LETM1: variants seen among roughly 807,000 people sequenced by gnomAD.
LETM1 encodes mitochondrial proton/calcium exchanger protein.
Under a neutral mutation model 74.5 loss-of-function variants are expected in LETM1, and 50 were observed. The ratio of observed to expected loss-of-function variants is 0.67; its 90% CI spans 0.53 to 0.85. The LOEUF (loss-of-function observed/expected upper bound fraction) is 0.85. Among genes scored for constraint, LETM1 ranks in the 40% least tolerant of loss-of-function variants. LETM1 has a pLI of 0.00. For synonymous variants in LETM1, 446 were observed against 407.1 expected (o/e 1.10, Z -1.15); for missense variants, 824 against 967.8 (o/e 0.85, Z 1.97).
chr4:1,825,090 C>A (rs1467354740), intron 7 of LETM1, among the ~76,000 whole-genome samples: 1 of 152,210 alleles, frequency 6.6e-6, no homozygotes, highest in Non-Finnish European at 1.5e-5. Context: ...ACTTTCCGAC[C>A]TACAAGCCAC....
intron 1 of LETM1, among the ~76,000 whole-genome samples, chr4:1,854,319 A>C (rs958955549): frequency 6.6e-5 from 10 of 151,256 alleles, no homozygotes; most frequent in African/African-American, 2.4e-4. Context: ...ATCTCTACTA[A>C]AAATACAAAA....
chr4:1,822,977 C>T lies in LETM1; in HGVS notation c.1476+11G>A. Reference sequence around the variant, plus strand: ...CAGCCCCACGCGGCACGGAGCAGGACCACCGCTTACCGCCACCTCCGAGCG... The same window carrying T: ...CAGCCCCACGCGGCACGGAGCAGGATCACCGCTTACCGCCACCTCCGAGCG... On this transcript the variant is annotated intron_variant, in intron 9 of 13. Coordinates refer to ENST00000302787, the MANE Select transcript of LETM1 (RefSeq NM_012318.3). 4 of 1,543,914 alleles carry T rather than the reference C, an allele frequency of 2.6e-6. No homozygotes were observed. The highest frequency in any genetic ancestry group is 3.5e-6 in the Non-Finnish European group (4 of 1,141,118).
At chr4:1,839,598 T>G (rs1158232926) in intron 3 of LETM1, among the ~76,000 whole-genome samples, 2 of 152,270 alleles carry the variant, frequency 1.3e-5, no homozygotes, top group East Asian at 3.8e-4. Flanking sequence ...CTGGCTCTAC[T>G]GCCCTTGTTA....
chr4:1,828,508 A>AC (rs1163121053), intron 6 of LETM1, among the ~76,000 whole-genome samples: 222 of 8,504 alleles, frequency 0.026, 11 homozygotes, highest in East Asian at 0.052. Flanking sequence ...AGGGGGGCTG[A>AC]CCCCCCCCCC....
Position 1,849,181 on chromosome 4 carries a change from G to A in LETM1, c.111C>T (p.Ser37=), listed in dbSNP as rs925574968. The change falls in exon 2 of 14, where the codon AGC becomes AGT. Residue 37 remains serine (S), a synonymous_variant. Coordinates refer to ENST00000302787, the MANE Select transcript of LETM1 (RefSeq NM_012318.3). The stretch of plus-strand genomic sequence containing the variant: ...TCCTCAACCCCAGGGTGCTGGCACA[G>A]CTGAGATGAGCAGGATCCCCTGGAC... ...RGSPGDPAHL[S]CASTLGLRNC... is the part of the protein sequence containing the mutation. The A allele has an allele frequency of 1.9e-6, 3 of 1,613,272 alleles. No homozygotes were observed. Among genetic ancestry groups the A allele is most frequent in the South Asian group, 1.1e-5 (1 of 91,064 alleles).
In LETM1 at chr4:1,834,102, T is replaced by A. The variant is rs1451363204; in HGVS notation, c.876+743A>T. On this transcript the variant is annotated intron_variant, in intron 5 of 13. Transcript: ENST00000302787. This position sits in a 1 kb window ranked among gnomAD's most constrained non-coding sequence, Gnocchi z 5.0. ...TAGGCCTCAGCCTGGCAGTCTTTTC[T>A]GTCAAGGGCCAGACAGCAAGTATTT... 1 of 152,504 alleles carries A rather than the reference T, an allele frequency of 6.6e-6. No individual in the cohort carries two copies. Among genetic ancestry groups the A allele is most frequent in the Non-Finnish European group, 1.5e-5 (1 of 68,256 alleles). 9.4% of individuals were successfully genotyped at this position (152,504 alleles called of 1,614,324 possible).
chr4:1,818,855 G>T (rs542071952), intron 11 of LETM1, among the ~76,000 whole-genome samples: 1 of 152,186 alleles, frequency 6.6e-6, no homozygotes, highest in South Asian at 2.1e-4. Flanking sequence ...GGCGAGGCAG[G>T]TCGGTCACCT....
chr4:1,828,843 C>T (rs1271853928), intron 6 of LETM1, among the ~76,000 whole-genome samples: 19 of 107,560 alleles, frequency 1.8e-4, no homozygotes, highest in African/African-American at 6.0e-4. Context: ...CCGGACGGGG[C>T]GGCTGGCCGG....
In LETM1 at chr4:1,833,032, T is replaced by C. The variant is rs549959901; in HGVS notation, c.877-85A>G. 45 of 1,218,264 alleles carry C rather than the reference T, an allele frequency of 3.7e-5. No individual in the cohort carries two copies. The African/African-American group carries it at 6.2e-4, about 17-fold the overall frequency. 75.5% of individuals were successfully genotyped at this position (1,218,264 alleles called of 1,614,324 possible). On this transcript the variant is annotated intron_variant, in intron 5 of 13. Coordinates refer to ENST00000302787, the MANE Select transcript of LETM1 (RefSeq NM_012318.3). ...GACCAACCACATTCCCAAAGGGTGCTGCCTCTCATCCTCAGGGACTCAAAC... is the reference window on the plus strand; with the variant it reads ...GACCAACCACATTCCCAAAGGGTGCCGCCTCTCATCCTCAGGGACTCAAAC...
In LETM1 at chr4:1,832,168, G is replaced by A. The variant is rs371896387; in HGVS notation, c.1080+576C>T. ...AATACAAAAAATAGCCGGGTATGGTGGCGGGCGCCTGTAATCCCAGCTACT... is the reference window on the plus strand; with the variant it reads ...AATACAAAAAATAGCCGGGTATGGTAGCGGGCGCCTGTAATCCCAGCTACT... On this transcript the variant is annotated intron_variant, in intron 6 of 13. Transcript: ENST00000302787. 2.3e-4 allele frequency among the ~76,000 whole-genome samples: 35 copies of A among 152,328 alleles called. No individual in the cohort carries two copies. In the East Asian group the frequency reaches 5.8e-3, roughly 25 times the overall value.
At chr4:1,841,293 A>G in intron 3 of LETM1, 54 bp downstream of exon 3, 2 of 1,533,548 alleles carry the variant, frequency 1.3e-6, no homozygotes, top group Middle Eastern at 1.8e-4. Context: ...ACTGCACTCC[A>G]GCCTGGGTGA....
chr4:1,852,743 A>C (rs1182764452), intron 1 of LETM1, among the ~76,000 whole-genome samples: 3 of 152,210 alleles, frequency 2.0e-5, no homozygotes, highest in Non-Finnish European at 4.4e-5. Context: ...CCTGTCTACA[A>C]AAATGTTAAA....
At chr4:1,817,319 G>A (rs983963342) in intron 11 of LETM1, among the ~76,000 whole-genome samples, 3 of 151,778 alleles carry the variant, frequency 2.0e-5, no homozygotes, top group African/African-American at 4.8e-5. Context: ...AACTTTGGGA[G>A]GCCAAGGCAG....
At chr4:1,826,799 C>T (rs1560485349) in intron 6 of LETM1, among the ~76,000 whole-genome samples, 1 of 152,244 alleles carries the variant, frequency 6.6e-6, no homozygotes, top group Non-Finnish European at 1.5e-5. Flanking sequence ...GGCTGGCCTC[C>T]GTTTGATTTC....
chr4:1,846,667 A>T (rs1242545299), intron 2 of LETM1: 1 of 152,232 alleles, frequency 6.6e-6, no homozygotes, highest in Admixed American at 6.5e-5. Context: ...AAGATTACTT[A>T]AACCCAAAAG....
At chr4:1,822,434 G>T (rs1711815471) in intron 9 of LETM1, 122 bp from the exon 10 acceptor site, 2 of 1,136,142 alleles carry the variant, frequency 1.8e-6, no homozygotes, top group Non-Finnish European at 2.3e-6. Context: ...GTGACATTGG[G>T]CAGCACACCT....
intron 6 of LETM1, among the ~76,000 whole-genome samples, chr4:1,827,140 C>T (rs11931757): frequency 0.04 from 6,055 of 152,204 alleles, 410 homozygotes; most frequent in African/African-American, 0.14. Flanking sequence ...CCTTTCTGGT[C>T]GAGGAGCTTC....
chr4:1,843,420 C>T (rs1712774001), intron 2 of LETM1, among the ~76,000 whole-genome samples: 1 of 152,230 alleles, frequency 6.6e-6, no homozygotes, highest in Non-Finnish European at 1.5e-5. Context: ...GCGGCTGGTG[C>T]AGGGCACTGT....
intron 1 of LETM1, among the ~76,000 whole-genome samples, chr4:1,855,623 A>G (rs1266681033): frequency 6.6e-6 from 1 of 152,208 alleles, no homozygotes; most frequent in Middle Eastern, 3.2e-3. Context: ...ACTGTCTCTG[A>G]GGCAGTGACC....
Sources: gnomAD v4.1 joint callset for allele counts (sites outside exome capture counted in the v4.1 genomes callset) on GRCh38, gnomAD v4.1.1 for gene constraint, Gnocchi (gnomAD v3.1) non-coding constraint, MANE v1.5 for transcripts, NCBI Gene and HGNC (gene_info 2026-07-23, HGNC 2026-07-21) for gene names.